MIER2: variants seen among roughly 807,000 people sequenced by gnomAD.
MIER2 encodes MIER family member 2.
MIER2 carries 30 observed loss-of-function variants against 67.6 expected under a neutral mutation model. The ratio of observed to expected loss-of-function variants is 0.44; its 90% CI spans 0.33 to 0.60. MIER2 has a LOEUF of 0.60. MIER2 is among the 20% of genes least tolerant of loss of function. MIER2 has a pLI of 0.02. For missense variants in MIER2, 702 were observed against 745.1 expected, an observed-to-expected ratio of 0.94 and a Z score of 0.67; for synonymous variants, 372 against 312.6, an observed-to-expected ratio of 1.19 and a Z score of -2.00.
rs1232607166 is a variant in MIER2 at position 344,067 on chromosome 19, G to C, written c.9+707C>G. 7.1e-6 allele frequency: 7 copies of C among 985,318 alleles called. No homozygotes were observed. In the South Asian group the frequency reaches 3.3e-4, roughly 46 times the overall value. 61.0% of individuals were successfully genotyped at this position (985,318 alleles called of 1,614,324 possible). A position where few individuals can be genotyped will look rare whatever the true frequency, so the allele number is the denominator to read the frequency against. ...AATATAGCTGGTCCCAAACATTTCA[G>C]ATAAAGGGTCCCGGGCTTGTTTCCT... On this transcript the variant is annotated intron_variant, in intron 1 of 13. Transcript: ENST00000264819.
intron 1 of MIER2, among the ~76,000 whole-genome samples, chr19:337,850 CAG>C (rs1972330341): frequency 1.2e-5 from 1 of 82,724 alleles, no homozygotes; most frequent in African/African-American, 4.8e-5. Flanking sequence ...GCCTGGGCAA[CAG>C]AGCAAGACTC....
intron 7 of MIER2, among the ~76,000 whole-genome samples, chr19:317,261 C>T (rs560554306): frequency 2.2e-4 from 33 of 151,954 alleles, no homozygotes; most frequent in Admixed American, 2.0e-3. Flanking sequence ...GGCGCGGTGG[C>T]GGGCACCTGT....
chr19:312,252 T>C lies in MIER2; in HGVS notation c.828A>G (p.Lys276=). ...DSEQALYELV[K]CNFNVEEALR... ...GGGCCTCCTCCACATTGAAGTTGCATTTCACCAACTCGTACAGCGCCTGGG... is the reference window on the plus strand; with the variant it reads ...GGGCCTCCTCCACATTGAAGTTGCACTTCACCAACTCGTACAGCGCCTGGG... Residue 276 remains lysine (K), a synonymous_variant, in exon 9 of 14, where the codon AAA becomes AAG. Transcript: ENST00000264819. The C allele has an allele frequency of 6.2e-7, 1 of 1,613,946 alleles. No homozygotes were observed. The highest frequency in any genetic ancestry group is 2.2e-5 in the East Asian group (1 of 44,884).
intron 7 of MIER2, 92 bp from the exon 8 acceptor site, chr19:313,735 C>A (rs1167827063): frequency 5.3e-6 from 8 of 1,519,464 alleles, no homozygotes; most frequent in Non-Finnish European, 7.1e-6. Flanking sequence ...CAGCCCCTGA[C>A]AGGGAGGAGG....
At position 327,244 on chromosome 19, in the gene MIER2, T is replaced by G. The variant is rs1379228724; in HGVS notation, c.382A>C (p.Lys128Gln). The G allele has an allele frequency of 1.3e-6, 2 of 1,578,622 alleles. No homozygotes were observed. Among genetic ancestry groups the G allele is most frequent in the East Asian group, 2.3e-5 (1 of 44,290 alleles). ...DMTLDKEQIAKDLLSGEEEEE... is the reference protein window; with the variant it reads ...DMTLDKEQIAQDLLSGEEEEE... ...TCTTCTTCCCCTGAAAGCAAATCCTTCGCTATTTGTTCCTTTAAAAAAAAA... is the reference window on the plus strand; with the variant it reads ...TCTTCTTCCCCTGAAAGCAAATCCTGCGCTATTTGTTCCTTTAAAAAAAAA... The change falls in exon 5 of 14, where the codon AAG (lysine) becomes CAG (glutamine). Residue 128 changes from lysine (K) to glutamine (Q), a missense_variant. Physicochemically the swap from Lys to Gln is moderately conservative, Grantham distance 53. This residue lies in a region of MIER2 where 320 missense variants were observed against 292.6 expected (regional missense o/e 1.09). Coordinates refer to ENST00000264819, the MANE Select transcript of MIER2 (RefSeq NM_017550.3).
intron 1 of MIER2, among the ~76,000 whole-genome samples, chr19:339,330 T>C (rs865853735): frequency 1.3e-5 from 2 of 152,076 alleles, no homozygotes; most frequent in Non-Finnish European, 2.9e-5. Flanking sequence ...GACAGACAAA[T>C]GGCCAATAAG....
In MIER2 at chr19:307,110, G is replaced by A; in HGVS notation, c.1616+9C>T. ...GTTGCGGAGGCTCCGGGCATGGGGT[G>A]GCACTCACTGTGACAGGGGCTCCGA... On this transcript the variant is annotated intron_variant, in intron 13 of 13. Coordinates refer to ENST00000264819, the MANE Select transcript of MIER2 (RefSeq NM_017550.3). 6.3e-7 allele frequency: 1 copy of A among 1,575,884 alleles called. No individual in the cohort carries two copies. Among genetic ancestry groups the A allele is most frequent in the Non-Finnish European group, 8.6e-7 (1 of 1,160,654 alleles).
intron 1 of MIER2, among the ~76,000 whole-genome samples, chr19:342,939 C>G (rs1972568338): frequency 6.6e-6 from 1 of 152,020 alleles, no homozygotes; most frequent in South Asian, 2.1e-4. Flanking sequence ...GGTCAGACAG[C>G]TTGCCATGGC....
chr19:338,384 G>A (rs1972359813), intron 1 of MIER2, among the ~76,000 whole-genome samples: 1 of 151,308 alleles, frequency 6.6e-6, no homozygotes, highest in South Asian at 2.1e-4. Flanking sequence ...AGCATCAAGG[G>A]AAGTGTGAAA....
chr19:322,739 G>A (rs546771711), intron 7 of MIER2, among the ~76,000 whole-genome samples: 16 of 151,798 alleles, frequency 1.1e-4, no homozygotes, highest in Non-Finnish European at 8.8e-5. Flanking sequence ...AGCAGTATGC[G>A]TCACCCTAAG....
In MIER2 at chr19:317,356, T is replaced by C. The variant is rs576588702; in HGVS notation, c.656-3713A>G. On this transcript the variant is annotated intron_variant, in intron 7 of 13. Coordinates refer to ENST00000264819, the MANE Select transcript of MIER2 (RefSeq NM_017550.3). ...CCCGGGCTAACACGGTGAAACCTCGTCTCTACTAAAAATACAAAACATTAG... is the reference window on the plus strand; with the variant it reads ...CCCGGGCTAACACGGTGAAACCTCGCCTCTACTAAAAATACAAAACATTAG... Among the ~76,000 whole-genome samples the C allele has an allele frequency of 6.6e-5, 10 of 151,860 alleles. No individual in the cohort carries two copies. The South Asian group carries it at 1.7e-3, about 25-fold the overall frequency.
intron 7 of MIER2, among the ~76,000 whole-genome samples, chr19:323,919 A>G (rs527684105): frequency 2.0e-5 from 3 of 151,796 alleles, no homozygotes; most frequent in African/African-American, 7.3e-5. Flanking sequence ...CGAAGGACAT[A>G]GGCGTCATCA....
At chr19:328,069 C>T (rs1479107138) in intron 3 of MIER2, 80 bp from the exon 4 acceptor site, 9 of 1,572,714 alleles carry the variant, frequency 5.7e-6, no homozygotes, top group Non-Finnish European at 7.7e-6. Flanking sequence ...GCCTGAGCCT[C>T]ACTGGCCACA....
chr19:316,443 C>A (rs1477618295), intron 7 of MIER2, among the ~76,000 whole-genome samples: 4 of 152,044 alleles, frequency 2.6e-5, no homozygotes, highest in African/African-American at 9.7e-5. Flanking sequence ...CAGGTGCCCA[C>A]CACGCCTGGC....
rs761201108 is a variant in MIER2, at chr19:327,854, C to CCTCA, written c.369+6_369+9dup. On this transcript the variant is annotated intron_variant, in intron 4 of 13. Coordinates refer to ENST00000264819, the MANE Select transcript of MIER2 (RefSeq NM_017550.3). Reference sequence around the variant, plus strand: ...GCTGTGAGCCAGTTCCAGGAAGGGCCCTCACTTACTTTGTCCAGGGTCATG... The same window carrying CCTCA: ...GCTGTGAGCCAGTTCCAGGAAGGGCCCTCACTCACTTACTTTGTCCAGGGTCATG... The CCTCA allele has an allele frequency of 1.6e-5, 25 of 1,610,678 alleles. No individual in the cohort carries two copies. The South Asian group carries it at 2.5e-4, about 16-fold the overall frequency.
chr19:320,531 C>T (rs1213016178), intron 7 of MIER2, among the ~76,000 whole-genome samples: 3 of 152,242 alleles, frequency 2.0e-5, no homozygotes, highest in South Asian at 2.1e-4. Flanking sequence ...CACAGCTGGC[C>T]GCACAGCAGG....
At chr19:344,643 C>T in intron 1 of MIER2, 131 bp downstream of exon 1, 1 of 531,642 alleles carries the variant, frequency 1.9e-6, no homozygotes, top group Non-Finnish European at 2.5e-6. Context: ...ACGGGCCAGG[C>T]GCCCCGGCCG....
chr19:323,080 A>T lies in MIER2; in HGVS notation c.655+2555T>A, dbSNP rs376834289. On this transcript the variant is annotated intron_variant, in intron 7 of 13. Coordinates refer to ENST00000264819, the MANE Select transcript of MIER2 (RefSeq NM_017550.3). ...GACAGACGTCATCACAATGCAATAC[A>T]CACGACACACACAACCACGCAGACG... Among the ~76,000 whole-genome samples, 187 of 152,248 alleles carry T rather than the reference A, an allele frequency of 1.2e-3. 6 individuals carry two copies. The South Asian group carries it at 0.037, about 30-fold the overall frequency.
intron 10 of MIER2, among the ~76,000 whole-genome samples, chr19:310,535 CGGCCCGG>C (rs1970910828): frequency 1.7e-5 from 1 of 57,996 alleles, no homozygotes; most frequent in Admixed American, 1.8e-4. Flanking sequence ...TATAGAAACA[CGGCCCGG>C]AGCTGCAGAA....
Sources: allele counts gnomAD v4.1 joint callset (sites outside exome capture counted in the v4.1 genomes callset), GRCh38; gene constraint gnomAD v4.1.1; regional missense constraint gnomAD v4.1.1; transcripts MANE v1.5; gene names NCBI Gene and HGNC (gene_info 2026-07-23, HGNC 2026-07-21).